Variants in TASP1 observed in about 807,000 individuals in gnomAD.
The protein encoded by TASP1 is threonine aspartase 1.
A neutral mutation model predicts 56.6 loss-of-function variants in TASP1; 16 were observed. The ratio of observed to expected loss-of-function variants is 0.28; its 90% CI spans 0.19 to 0.43. TASP1 has a LOEUF of 0.43. Ranked by LOEUF, TASP1 falls within the 20% of genes least tolerant of loss-of-function variation. TASP1 has a pLI of 1.00. For missense variants in TASP1, 393 were observed against 511.6 expected, an observed-to-expected ratio of 0.77 and a Z score of 2.24; for synonymous variants, 179 against 184.2, an observed-to-expected ratio of 0.97 and a Z score of 0.23.
the TASP1 span, among the ~76,000 whole-genome samples, chr20:13,120,216 G>C: frequency 2.6e-5 from 4 of 152,184 alleles, no homozygotes; most frequent in African/African-American, 9.7e-5. Flanking sequence ...TAACTGTACT[G>C]TAAGACAGAT....
At chr20:13,500,123 G>A (rs1282784642) in intron 10 of TASP1, among the ~76,000 whole-genome samples, 1 of 150,732 alleles carries the variant, frequency 6.6e-6, no homozygotes, top group Non-Finnish European at 1.5e-5. Flanking sequence ...ACACACCCTG[G>A]ACCTATAAAA....
the TASP1 span, among the ~76,000 whole-genome samples, chr20:13,207,528 G>A: frequency 6.6e-6 from 1 of 152,204 alleles, no homozygotes; most frequent in Non-Finnish European, 1.5e-5. Context: ...AATCTGCCAT[G>A]TGCAAGCCAG....
intron 4 of TASP1, among the ~76,000 whole-genome samples, chr20:13,592,428 C>G (rs1012524767): frequency 6.6e-6 from 1 of 151,444 alleles, no homozygotes; most frequent in East Asian, 1.9e-4. Flanking sequence ...TTCAAATTGT[C>G]TAAGCACTTG....
chr20:13,318,160 T>TAAATAAATAAATAAATAAATAAATAAAA, the TASP1 span, among the ~76,000 whole-genome samples: 18 of 151,146 alleles, frequency 1.2e-4, no homozygotes, highest in Non-Finnish European at 2.1e-4. Flanking sequence ...AATAAATAAA[T>TAAATAAATAAATAAATAAATAAATAAAA]AAAAATGAGC....
At chr20:13,224,421 A>G in the TASP1 span, among the ~76,000 whole-genome samples, 5 of 152,346 alleles carry the variant, frequency 3.3e-5, 1 homozygote, top group Non-Finnish European at 1.5e-5. Flanking sequence ...TGCTAGTAGC[A>G]GGTGTATTTG....
chr20:13,518,110 T>A (rs1387974437), intron 10 of TASP1, among the ~76,000 whole-genome samples: 3 of 152,094 alleles, frequency 2.0e-5, no homozygotes, highest in Non-Finnish European at 4.4e-5. Flanking sequence ...CCCCACATAT[T>A]ATGTCTCAAA....
chr20:13,479,044 T>C (rs1298064241), intron 11 of TASP1, among the ~76,000 whole-genome samples: 1 of 152,130 alleles, frequency 6.6e-6, no homozygotes, highest in Non-Finnish European at 1.5e-5. Context: ...AAATCTCTTC[T>C]ATATAATTTT....
At chr20:13,517,703 T>C (rs1356561456) in intron 10 of TASP1, among the ~76,000 whole-genome samples, 2 of 152,158 alleles carry the variant, frequency 1.3e-5, no homozygotes, top group Non-Finnish European at 2.9e-5. Context: ...CTCTAAGATA[T>C]ATCAATTGCT....
the TASP1 span, among the ~76,000 whole-genome samples, chr20:13,268,134 C>CTCTTCTCTTA: frequency 6.7e-6 from 1 of 150,352 alleles, no homozygotes; most frequent in South Asian, 2.1e-4. Flanking sequence ...CTCTTCTCTT[C>CTCTTCTCTTA]TCTTCTCTTC....
the TASP1 span, among the ~76,000 whole-genome samples, chr20:13,271,721 A>G: frequency 2.8e-3 from 422 of 152,270 alleles, 3 homozygotes; most frequent in African/African-American, 9.6e-3. Context: ...GATGGTTGAG[A>G]GAGGCTCATC....
Position 13,483,312 on chromosome 20 carries a change from G to A in TASP1, c.900C>T (p.Thr300=). The change falls in exon 11 of 14, where the codon ACC becomes ACT. Residue 300 remains threonine (T), a synonymous_variant. Coordinates refer to ENST00000337743, the MANE Select transcript of TASP1 (RefSeq NM_017714.3). The part of the protein sequence containing the change: ...TSGCGEHLVR[T]ILARECSHAL... ...CATGTGAACATTCTCTAGCCAGTAT[G>A]GTGCGCACAAGATGCTCTCCACATC... is the stretch of plus-strand genomic sequence containing the variant. 1.3e-6 allele frequency: 2 copies of A among 1,589,196 alleles called. No homozygotes were observed. Among genetic ancestry groups the A allele is most frequent in the Non-Finnish European group, 1.7e-6 (2 of 1,166,044 alleles).
rs186178414 is a variant in TASP1 at position 13,621,625 on chromosome 20, C to T, written c.282+1821G>A. 3.7e-3 allele frequency among the ~76,000 whole-genome samples: 565 copies of T among 152,080 alleles called. 3 individuals carry two copies. Among genetic ancestry groups the T allele is most frequent in the East Asian group, 0.012 (61 of 5,174 alleles). On this transcript the variant is annotated intron_variant, in intron 4 of 13. Coordinates refer to ENST00000337743, the MANE Select transcript of TASP1 (RefSeq NM_017714.3). ...CACAAGTTATCCGAAACTGTAAGTCCACCTACTCAGGAGAAACTCATTATT... is the reference window on the plus strand; with the variant it reads ...CACAAGTTATCCGAAACTGTAAGTCTACCTACTCAGGAGAAACTCATTATT...
At chr20:13,394,315 A>AG (rs2041427837) in intron 13 of TASP1, among the ~76,000 whole-genome samples, 3 of 147,304 alleles carry the variant, frequency 2.0e-5, no homozygotes, top group African/African-American at 7.6e-5. Context: ...CTCAAAAAAA[A>AG]AAAAAAAAAA....
At chr20:13,610,411 G>A (rs73270720) in intron 4 of TASP1, among the ~76,000 whole-genome samples, 79 of 152,262 alleles carry the variant, frequency 5.2e-4, no homozygotes, top group African/African-American at 1.8e-3. Flanking sequence ...GGCACAAGGG[G>A]CCTTCTGGAG....
the TASP1 span, among the ~76,000 whole-genome samples, chr20:13,129,973 T>C: frequency 6.6e-6 from 1 of 151,526 alleles, no homozygotes; most frequent in Non-Finnish European, 1.5e-5. Flanking sequence ...ATGTGTATGG[T>C]CTGGTTTTTT....
intron 8 of TASP1, among the ~76,000 whole-genome samples, chr20:13,546,520 G>T (rs537465939): frequency 2.6e-5 from 4 of 152,288 alleles, no homozygotes; most frequent in East Asian, 3.9e-4. Context: ...TTTCCATTCT[G>T]TAAGTCCCCT....
intron 8 of TASP1, among the ~76,000 whole-genome samples, chr20:13,550,382 A>G (rs1377980630): frequency 6.6e-6 from 1 of 152,044 alleles, no homozygotes; most frequent in Non-Finnish European, 1.5e-5. Context: ...TAAGTTACTG[A>G]CCTATCTACT....
the TASP1 span, among the ~76,000 whole-genome samples, chr20:13,203,081 T>A: frequency 6.6e-6 from 1 of 152,186 alleles, no homozygotes; most frequent in African/African-American, 2.4e-5. Flanking sequence ...CTAGAAGGGT[T>A]TTTTTTAACC....
At chr20:13,343,352 G>T in the TASP1 span, among the ~76,000 whole-genome samples, 1 of 152,170 alleles carries the variant, frequency 6.6e-6, no homozygotes, top group East Asian at 1.9e-4. Context: ...GGCCCTACTG[G>T]GCCTCATTCT....
Sources: gnomAD v4.1 joint callset for allele counts (sites outside exome capture counted in the v4.1 genomes callset) on GRCh38, gnomAD v4.1.1 for gene constraint, MANE v1.5 for transcripts, NCBI Gene and HGNC (gene_info 2026-07-23, HGNC 2026-07-21) for gene names.